The following ABI3BP variants were observed in gnomAD, a reference collection of about 807,000 sequenced individuals.
ABI3BP encodes the protein ABI family member 3 binding protein.
In ABI3BP, 216 loss-of-function variants were observed where a neutral mutation model predicts 268.6. The observed-to-expected ratio is 0.80, with a 90% CI of 0.72 to 0.90. The LOEUF (loss-of-function observed/expected upper bound fraction) is 0.90, where lower values mean the gene tolerates loss of function less well. Ranked by LOEUF, ABI3BP falls within the 40% of genes least tolerant of loss-of-function variation. ABI3BP has a pLI of 0.00. For missense variants in ABI3BP, 2,090 were observed against 2,182.4 expected (o/e 0.96, Z 0.84); for synonymous variants, 730 against 730.0 (o/e 1.00, Z 0.00).
chr3:100,884,460 T>C (rs1330426524), intron 6 of ABI3BP, among the ~76,000 whole-genome samples: 2 of 152,150 alleles, frequency 1.3e-5, no homozygotes, highest in Non-Finnish European at 1.5e-5. Context: ...ACATTTGCCT[T>C]AGGCAGATTA....
intron 4 of ABI3BP, among the ~76,000 whole-genome samples, chr3:100,894,627 C>A (rs901039360): frequency 1.3e-5 from 2 of 151,988 alleles, no homozygotes; most frequent in Non-Finnish European, 2.9e-5. Flanking sequence ...AAAAGGAGAG[C>A]CCTCATTCTA....
chr3:100,992,753 G>T (rs2093150567), intron 1 of ABI3BP, among the ~76,000 whole-genome samples: 1 of 152,188 alleles, frequency 6.6e-6, no homozygotes, highest in South Asian at 2.1e-4. Context: ...GGAGTGTCCT[G>T]TCCAACAGCT....
chr3:100,953,190 C>T (rs921255802), intron 1 of ABI3BP, among the ~76,000 whole-genome samples: 2 of 152,172 alleles, frequency 1.3e-5, no homozygotes, highest in Non-Finnish European at 2.9e-5. Flanking sequence ...AAAAGACCAG[C>T]CAGTCTTCCA....
intron 2 of ABI3BP, among the ~76,000 whole-genome samples, chr3:100,909,151 A>T (rs2055035967): frequency 6.6e-6 from 1 of 152,204 alleles, no homozygotes; most frequent in Admixed American, 6.5e-5. Context: ...AAAACAAGCA[A>T]ATGGAGAAAG....
At chr3:100,918,746 C>A (rs1217797030) in intron 2 of ABI3BP, among the ~76,000 whole-genome samples, 1 of 152,064 alleles carries the variant, frequency 6.6e-6, no homozygotes, top group Non-Finnish European at 1.5e-5. Context: ...TAATACATCT[C>A]CCCACCCACT....
At chr3:100,801,159 T>C (rs1423198418) in intron 51 of ABI3BP, among the ~76,000 whole-genome samples, 1 of 151,930 alleles carries the variant, frequency 6.6e-6, no homozygotes, top group African/African-American at 2.4e-5. Flanking sequence ...CTGGAAAAGA[T>C]GGGCAATTCC....
At chr3:100,802,823 A>T (rs2097570235) in intron 51 of ABI3BP, among the ~76,000 whole-genome samples, 1 of 113,818 alleles carries the variant, frequency 8.8e-6, no homozygotes, top group Admixed American at 8.3e-5. Context: ...TTTCTCCAGG[A>T]TACTAATATA....
At chr3:100,776,604 C>T (rs552865170) in intron 59 of ABI3BP, among the ~76,000 whole-genome samples, 2 of 152,166 alleles carry the variant, frequency 1.3e-5, no homozygotes, top group Non-Finnish European at 1.5e-5. Context: ...ATTCAAGATA[C>T]ACTTTCTGTG....
At chr3:100,805,785 GAAA>G (rs2097688846) in intron 50 of ABI3BP, among the ~76,000 whole-genome samples, 1 of 151,996 alleles carries the variant, frequency 6.6e-6, no homozygotes, top group Non-Finnish European at 1.5e-5. Context: ...TTTTTAAGGT[GAAA>G]CAATAAACCT....
chr3:100,896,849 T>G (rs1193397735), intron 4 of ABI3BP, among the ~76,000 whole-genome samples: 5 of 152,202 alleles, frequency 3.3e-5, no homozygotes, highest in Non-Finnish European at 7.4e-5. Context: ...CATTTCAAAA[T>G]TATTTTTCAA....
intron 63 of ABI3BP, among the ~76,000 whole-genome samples, chr3:100,757,016 A>C (rs2095657660): frequency 6.6e-6 from 1 of 152,088 alleles, no homozygotes; most frequent in South Asian, 2.1e-4. Flanking sequence ...GTACATAGAA[A>C]ATAAAATTTA....
intron 6 of ABI3BP, among the ~76,000 whole-genome samples, chr3:100,880,660 C>T (rs1018711745): frequency 2.0e-5 from 3 of 152,066 alleles, no homozygotes; most frequent in African/African-American, 7.2e-5. Context: ...TGCTTTCTTG[C>T]CATGGCTAGG....
At chr3:100,806,987 T>A (rs1315580102) in intron 50 of ABI3BP, among the ~76,000 whole-genome samples, 1 of 152,114 alleles carries the variant, frequency 6.6e-6, no homozygotes, top group Non-Finnish European at 1.5e-5. Context: ...TCATATCTCC[T>A]TTACCTTAAA....
At chr3:100,823,619 C>CAAAA (rs72135669) in intron 36 of ABI3BP, 105 bp from the exon 37 acceptor site, 71,962 of 728,094 alleles carry the variant, frequency 0.099, 1,975 homozygotes, top group African/African-American at 0.14. Flanking sequence ...TCCAGAGAAA[C>CAAAA]AAAAAAAAAA....
chr3:100,980,392 A>G (rs928501675), intron 1 of ABI3BP, among the ~76,000 whole-genome samples: 1 of 152,114 alleles, frequency 6.6e-6, no homozygotes, highest in Admixed American at 6.6e-5. Flanking sequence ...AACCAGCACA[A>G]CAATCCAACA....
chr3:100,847,606 T>C lies in ABI3BP; in HGVS notation c.1644A>G (p.Thr548=), dbSNP rs1246328531. ...ISKSPEPTWT[T]PAPGKTQFIS... is the part of the protein sequence containing the mutation. ...CTAAGGACATATCATTATTACCCGG[T>C]GTTGTCCATGTAGGTTCAGGGCTTT... Residue 548 remains threonine (T), a synonymous_variant, in exon 19 of 68, where the codon ACA becomes ACG. Coordinates refer to ENST00000471714, the MANE Select transcript of ABI3BP (RefSeq NM_001375547.2). The C allele has an allele frequency of 6.2e-7, 1 of 1,610,042 alleles. No individual in the cohort carries two copies. The highest frequency in any genetic ancestry group is 2.2e-5 in the East Asian group (1 of 44,864).
intron 56 of ABI3BP, among the ~76,000 whole-genome samples, 175 bp from the exon 57 acceptor site, chr3:100,787,977 T>C (rs1448728739): frequency 6.6e-6 from 1 of 152,158 alleles, no homozygotes; most frequent in African/African-American, 2.4e-5. Context: ...GACTTGAATT[T>C]GAAAATAGAG....
chr3:100,987,986 T>C (rs574885623), intron 1 of ABI3BP, among the ~76,000 whole-genome samples: 290 of 152,374 alleles, frequency 1.9e-3, no homozygotes, highest in Middle Eastern at 0.01. Flanking sequence ...TTTAAGCTTC[T>C]TTTTAGCAGC....
rs968512138 is a variant in ABI3BP at position 100,774,593 on chromosome 3, A to G, written c.4531+12T>C. 7 of 1,561,878 alleles carry G rather than the reference A, an allele frequency of 4.5e-6. No homozygotes were observed. Among genetic ancestry groups the G allele is most frequent in the Non-Finnish European group, 6.1e-6 (7 of 1,154,860 alleles). On this transcript the variant is annotated intron_variant, in intron 61 of 67. Transcript: ENST00000471714. Reference sequence around the variant, plus strand: ...CTTTTCAAATGTGAGATTCACAGCCAGTCATACATACCTTTGAATCTTGGC... The same window carrying G: ...CTTTTCAAATGTGAGATTCACAGCCGGTCATACATACCTTTGAATCTTGGC...
Sources: allele counts gnomAD v4.1 joint callset (sites outside exome capture counted in the v4.1 genomes callset), GRCh38; gene constraint gnomAD v4.1.1; transcripts MANE v1.5; gene names NCBI Gene and HGNC (gene_info 2026-07-23, HGNC 2026-07-21).